The following TACC2 variants were observed in gnomAD, a reference collection of about 807,000 sequenced individuals.
The protein encoded by TACC2 is transforming acidic coiled-coil containing protein 2.
Under a neutral mutation model 227.3 loss-of-function variants are expected in TACC2, and 137 were observed. The observed-to-expected ratio is 0.60, with a 90% CI of 0.52 to 0.69. The LOEUF is 0.69. Among genes scored for constraint, TACC2 ranks in the 30% least tolerant of loss-of-function variants. The pLI is 0.00. For synonymous variants in TACC2, 1,523 were observed against 1,487.5 expected (o/e 1.02, Z -0.55); for missense variants, 3,470 against 3,694.4 (o/e 0.94, Z 1.57).
At chr10:122,011,319 G>A (rs372791723) in intron 1 of TACC2, among the ~76,000 whole-genome samples, 1 of 152,048 alleles carries the variant, frequency 6.6e-6, no homozygotes. Flanking sequence ...TATGTTTTTT[G>A]TTTGTTTGTT....
chr10:122,117,619 C>G (rs919161786), intron 5 of TACC2, among the ~76,000 whole-genome samples: 16 of 152,132 alleles, frequency 1.1e-4, no homozygotes, highest in African/African-American at 3.6e-4. Context: ...AAGCAGCTGC[C>G]CCATTGGCTC....
intron 3 of TACC2, among the ~76,000 whole-genome samples, chr10:122,056,603 G>A (rs955078018): frequency 4.6e-5 from 7 of 152,224 alleles, no homozygotes; most frequent in African/African-American, 1.7e-4. Context: ...GGGCTCAGAA[G>A]AAGCCTTCCC....
intron 7 of TACC2, among the ~76,000 whole-genome samples, chr10:122,178,512 C>T (rs2140229837): frequency 6.6e-6 from 1 of 151,460 alleles, no homozygotes; most frequent in South Asian, 2.1e-4. Flanking sequence ...GCTGGGATTA[C>T]AGGCATGAGC....
At chr10:122,006,231 G>A (rs541874391) in intron 1 of TACC2, among the ~76,000 whole-genome samples, 5 of 152,008 alleles carry the variant, frequency 3.3e-5, no homozygotes, top group Admixed American at 2.0e-4. Flanking sequence ...GGTGGATCAC[G>A]AGGTCAGGAG....
intron 7 of TACC2, among the ~76,000 whole-genome samples, chr10:122,175,412 A>G (rs1200441800): frequency 1.3e-5 from 2 of 152,250 alleles, no homozygotes; most frequent in Non-Finnish European, 2.9e-5. Context: ...GTTTGTAACA[A>G]CAAGGAAACC....
At chr10:122,005,268 G>C (rs1954927697) in intron 1 of TACC2, among the ~76,000 whole-genome samples, 1 of 151,872 alleles carries the variant, frequency 6.6e-6, no homozygotes, top group Admixed American at 6.6e-5. Flanking sequence ...ATTTTTAATA[G>C]AGATGGGGTG....
chr10:122,218,854 C>G (rs937600560), intron 11 of TACC2, among the ~76,000 whole-genome samples: 4 of 151,816 alleles, frequency 2.6e-5, no homozygotes, highest in Admixed American at 6.6e-5. Context: ...AACACTGACT[C>G]TACCAAAAGT....
intron 1 of TACC2, among the ~76,000 whole-genome samples, chr10:122,016,001 A>G (rs886860697): frequency 6.6e-6 from 1 of 150,698 alleles, no homozygotes; most frequent in African/African-American, 2.4e-5. Flanking sequence ...TGGCTCACAC[A>G]TGTAATCCTA....
intron 3 of TACC2, among the ~76,000 whole-genome samples, chr10:122,054,890 C>T (rs1468640509): frequency 6.6e-6 from 1 of 152,122 alleles, no homozygotes; most frequent in Non-Finnish European, 1.5e-5. Flanking sequence ...GCAAAGTTCT[C>T]CGGCTGGCTC....
At chr10:122,010,117 C>T (rs1370562302) in intron 1 of TACC2, among the ~76,000 whole-genome samples, 1 of 152,186 alleles carries the variant, frequency 6.6e-6, no homozygotes, top group African/African-American at 2.4e-5. Flanking sequence ...GGAATAATCT[C>T]TTTGCCTCTG....
At chr10:122,074,081 CTT>C (rs3981240) in intron 3 of TACC2, among the ~76,000 whole-genome samples, 142 of 132,150 alleles carry the variant, frequency 1.1e-3, no homozygotes, top group African/African-American at 3.8e-3. Context: ...CACCCGGCAT[CTT>C]TTTTTTTTTT....
chr10:122,008,264 A>ATTTTTTTTTTTT (rs71022877), intron 1 of TACC2, among the ~76,000 whole-genome samples: 2 of 134,654 alleles, frequency 1.5e-5, no homozygotes, highest in Non-Finnish European at 1.6e-5. Flanking sequence ...TATTATTATT[A>ATTTTTTTTTTTT]TTTTTTTTTT....
chr10:122,237,353 T>A (rs759158683), intron 16 of TACC2, 42 bp from the exon 17 acceptor site: 1 of 1,577,308 alleles, frequency 6.3e-7, no homozygotes, highest in Non-Finnish European at 8.6e-7. Flanking sequence ...GTCGTATGAT[T>A]AATGCTAACT....
intron 2 of TACC2, among the ~76,000 whole-genome samples, chr10:122,042,591 G>A (rs528956052): frequency 2.0e-5 from 3 of 152,246 alleles, no homozygotes; most frequent in East Asian, 1.9e-4. Flanking sequence ...AGCCAATGGG[G>A]CTCTTCATTA....
At chr10:122,218,187 C>T (rs2141175284) in intron 11 of TACC2, among the ~76,000 whole-genome samples, 1 of 152,238 alleles carries the variant, frequency 6.6e-6, no homozygotes, top group Admixed American at 6.5e-5. Flanking sequence ...TTGTGATCTG[C>T]CCACCTCGGC....
At chr10:122,140,275 G>A (rs990612261) in intron 6 of TACC2, among the ~76,000 whole-genome samples, 2 of 152,206 alleles carry the variant, frequency 1.3e-5, no homozygotes, top group East Asian at 1.9e-4. Flanking sequence ...AGGAAAGAAC[G>A]CCTTGATCAA....
chr10:122,197,369 G>A (rs975841496), intron 8 of TACC2, among the ~76,000 whole-genome samples: 3 of 152,262 alleles, frequency 2.0e-5, no homozygotes, highest in African/African-American at 7.2e-5. Flanking sequence ...GGCCACAGGT[G>A]CGTCTTCTGG....
intron 5 of TACC2, among the ~76,000 whole-genome samples, chr10:122,100,761 T>TA (rs2082047925): frequency 1.3e-5 from 2 of 152,248 alleles, no homozygotes; most frequent in Non-Finnish European, 2.9e-5. Flanking sequence ...TCCTTTGGTA[T>TA]AAAAATGTGG....
At chr10:122,158,228 A>G (rs557424031) in intron 7 of TACC2, among the ~76,000 whole-genome samples, 3 of 152,186 alleles carry the variant, frequency 2.0e-5, no homozygotes, top group Admixed American at 2.0e-4. Context: ...TCTCTACTAA[A>G]AAATACAAAA....
Sources: gnomAD v4.1 joint callset for allele counts (sites outside exome capture counted in the v4.1 genomes callset) on GRCh38, gnomAD v4.1.1 for gene constraint, MANE v1.5 for transcripts, NCBI Gene and HGNC (gene_info 2026-07-23, HGNC 2026-07-21) for gene names.